Variants in TACR3 observed in about 807,000 individuals in gnomAD.
TACR3 encodes the protein neuromedin-K receptor.
TACR3 carries 34 observed loss-of-function variants against 35.0 expected under a neutral mutation model. That is an observed-to-expected ratio of 0.97 (90% CI 0.74 to 1.30). TACR3 has a LOEUF of 1.30. Ranked by LOEUF, TACR3 falls within the 50% of genes most tolerant of loss-of-function variation. TACR3 has a pLI of 0.00. For synonymous variants in TACR3, 233 were observed against 221.1 expected, an observed-to-expected ratio of 1.05 and a Z score of -0.48; for missense variants, 558 against 591.7, an observed-to-expected ratio of 0.94 and a Z score of 0.59.
chr4:103,671,584 C>T (rs1417895242), intron 1 of TACR3, among the ~76,000 whole-genome samples: 1 of 151,894 alleles, frequency 6.6e-6, no homozygotes, highest in African/African-American at 2.4e-5. Context: ...TATAGTTGCA[C>T]AATAGTAGTC....
At chr4:103,696,118 G>C (rs752988834) in intron 1 of TACR3, among the ~76,000 whole-genome samples, 2 of 152,094 alleles carry the variant, frequency 1.3e-5, no homozygotes, top group Non-Finnish European at 2.9e-5. Context: ...GTGGAAGTCT[G>C]AGAAAAGAGT....
rs1724193363 is a variant in TACR3, at chr4:103,601,233, T to C, written c.889-9550A>G. Among the ~76,000 whole-genome samples, 7 of 151,974 alleles carry C rather than the reference T, an allele frequency of 4.6e-5. No homozygotes were observed. The South Asian group carries it at 1.5e-3, about 32-fold the overall frequency. ...GTAATGGCCTTTTTTTGTTTTCCATTTGCTTGGTAGATTTTCCTCCATCCC... is the reference window on the plus strand; with the variant it reads ...GTAATGGCCTTTTTTTGTTTTCCATCTGCTTGGTAGATTTTCCTCCATCCC... On this transcript the variant is annotated intron_variant, in intron 3 of 4. Transcript: ENST00000304883.
chr4:103,645,878 G>A (rs1725446832), intron 3 of TACR3, among the ~76,000 whole-genome samples: 1 of 151,834 alleles, frequency 6.6e-6, no homozygotes, highest in African/African-American at 2.4e-5. Context: ...AAATATATGT[G>A]ACCAAGATTA....
rs138086368 is a variant in TACR3 at position 103,644,841 on chromosome 4, A to T, written c.888+11353T>A. Among the ~76,000 whole-genome samples, 12 of 151,898 alleles carry T rather than the reference A, an allele frequency of 7.9e-5. No individual in the cohort carries two copies. In the East Asian group the frequency reaches 2.3e-3, roughly 29 times the overall value. ...TATTATGACAAATTATTAAGGAAAG[A>T]TGCATGGAAATAAGTGGAAATGTGT... On this transcript the variant is annotated intron_variant, in intron 3 of 4. Coordinates refer to ENST00000304883, the MANE Select transcript of TACR3 (RefSeq NM_001059.3).
intron 1 of TACR3, among the ~76,000 whole-genome samples, chr4:103,709,514 A>C (rs1722886489): frequency 1.3e-5 from 2 of 152,292 alleles, no homozygotes; most frequent in East Asian, 1.9e-4. Context: ...AAGCACTAAA[A>C]ATAGAAAGGA....
chr4:103,687,151 G>A (rs1722267314), intron 1 of TACR3, among the ~76,000 whole-genome samples: 2 of 152,134 alleles, frequency 1.3e-5, no homozygotes, highest in African/African-American at 4.8e-5. Flanking sequence ...AAAACCACAT[G>A]ATTATCTCAA....
intron 1 of TACR3, among the ~76,000 whole-genome samples, chr4:103,665,215 T>C (rs1489339876): frequency 7.0e-6 from 1 of 143,490 alleles, no homozygotes. Flanking sequence ...TAAAATAATC[T>C]ATATTTGCTG....
chr4:103,596,110 A>G, intron 3 of TACR3, among the ~76,000 whole-genome samples: 1 of 148,336 alleles, frequency 6.7e-6, no homozygotes, highest in South Asian at 2.1e-4. Context: ...ATAGTATTCC[A>G]TGGTGTATAT....
intron 1 of TACR3, among the ~76,000 whole-genome samples, chr4:103,679,921 A>T (rs953776913): frequency 2.6e-5 from 4 of 151,846 alleles, no homozygotes; most frequent in Non-Finnish European, 4.4e-5. Flanking sequence ...TTATATATAT[A>T]TTTTTAAATA....
rs762035576 is a variant in TACR3, at chr4:103,656,151, C to A, written c.888+43G>T. The A allele has an allele frequency of 1.9e-6, 3 of 1,610,090 alleles. No individual in the cohort carries two copies. In the South Asian group the frequency reaches 3.3e-5, roughly 18 times the overall value. ...CTAGATTGCTTTTCTTTCTGATATACCATAACCTATACAAATGCTAGGTAA... is the reference window on the plus strand; with the variant it reads ...CTAGATTGCTTTTCTTTCTGATATAACATAACCTATACAAATGCTAGGTAA... On this transcript the variant is annotated intron_variant, in intron 3 of 4. Coordinates refer to ENST00000304883, the MANE Select transcript of TACR3 (RefSeq NM_001059.3).
intron 3 of TACR3, among the ~76,000 whole-genome samples, chr4:103,635,502 C>A (rs1725166937): frequency 6.6e-6 from 1 of 151,936 alleles, no homozygotes; most frequent in Non-Finnish European, 1.5e-5. Context: ...TTCTTCTAAG[C>A]CTTCCCATGC....
chr4:103,613,316 C>T (rs1011565625), intron 3 of TACR3, among the ~76,000 whole-genome samples: 4 of 152,158 alleles, frequency 2.6e-5, no homozygotes, highest in Admixed American at 2.0e-4. Context: ...TAAAATGAGG[C>T]TAACCTCATA....
chr4:103,717,311 T>A (rs1030481707), intron 1 of TACR3, among the ~76,000 whole-genome samples: 1 of 152,140 alleles, frequency 6.6e-6, no homozygotes, highest in South Asian at 2.1e-4. Context: ...TCGAACTGAG[T>A]ATGCTTCAGA....
intron 3 of TACR3, among the ~76,000 whole-genome samples, chr4:103,636,910 G>A (rs1368826200): frequency 2.6e-5 from 4 of 152,050 alleles, no homozygotes. Context: ...TCTCTGAATA[G>A]ACCAATAACA....
Position 103,598,952 on chromosome 4 carries a change from CATATGAACTTTA to C in TACR3, c.889-7281_889-7270del, listed in dbSNP as rs1252366716. Among the ~76,000 whole-genome samples, 3 of 152,206 alleles carry C rather than the reference CATATGAACTTTA, an allele frequency of 2.0e-5. No homozygotes were observed. The East Asian group carries it at 5.8e-4, about 29-fold the overall frequency. ...GGTGATGCAGGCTCTTTTTTGGTTC[CATATGAACTTTA>C]AAGTAGTTTTTCCCAGTTCTGTGAA... On this transcript the variant is annotated intron_variant, in intron 3 of 4. Coordinates refer to ENST00000304883, the MANE Select transcript of TACR3 (RefSeq NM_001059.3).
chr4:103,588,676 A>G lies in TACR3; in HGVS notation c.*1006T>C, dbSNP rs572703211. 3 of 152,216 alleles carry G rather than the reference A, an allele frequency of 2.0e-5. No homozygotes were observed. The South Asian group carries it at 6.2e-4, about 32-fold the overall frequency. The allele number at this position is 152,216 out of a possible 1,614,324, so 9.4% of individuals were successfully genotyped here. A position where few individuals can be genotyped will look rare whatever the true frequency, so the allele number is the denominator to read the frequency against. ...TAATTCACTTGTCTACACCTTGCCTAGTTTACTCATATGTAACATATATTG... is the reference window on the plus strand; with the variant it reads ...TAATTCACTTGTCTACACCTTGCCTGGTTTACTCATATGTAACATATATTG... On this transcript the variant is annotated 3_prime_UTR_variant, in exon 5 of 5. Coordinates refer to ENST00000304883, the MANE Select transcript of TACR3 (RefSeq NM_001059.3).
chr4:103,591,627 A>G lies in TACR3; in HGVS notation c.945T>C (p.Tyr315=). 6.2e-7 allele frequency: 1 copy of G among 1,613,752 alleles called. No individual in the cohort carries two copies. Among genetic ancestry groups the G allele is most frequent in the Non-Finnish European group, 8.5e-7 (1 of 1,179,830 alleles). ...VMTFAICWLP[Y]HIYFILTAIY... ...TTGCAGTGAGAATGAAGTAAATATG[A>G]TAGGGCAGCCAGCAGATAGCAAATG... Residue 315 remains tyrosine, a synonymous_variant, in exon 4 of 5, where the codon TAT becomes TAC. Transcript: ENST00000304883.
At chr4:103,636,907 A>C (rs1387478692) in intron 3 of TACR3, among the ~76,000 whole-genome samples, 1 of 152,170 alleles carries the variant, frequency 6.6e-6, no homozygotes, top group Non-Finnish European at 1.5e-5. Context: ...GAATCTCTGA[A>C]TAGACCAATA....
intron 3 of TACR3, among the ~76,000 whole-genome samples, chr4:103,634,939 G>T (rs1048720512): frequency 6.6e-6 from 1 of 151,994 alleles, no homozygotes; most frequent in African/African-American, 2.4e-5. Context: ...GCATTGTTGG[G>T]AGTGTAAAAT....
Sources: gnomAD v4.1 joint callset for allele counts (sites outside exome capture counted in the v4.1 genomes callset) on GRCh38, gnomAD v4.1.1 for gene constraint, MANE v1.5 for transcripts, NCBI Gene and HGNC (gene_info 2026-07-23, HGNC 2026-07-21) for gene names.